Variants in ZBTB12 observed in about 807,000 individuals in gnomAD.
The protein encoded by ZBTB12 is zinc finger and BTB domain-containing protein 12.
In ZBTB12, 1 loss-of-function variant was observed where a neutral mutation model predicts 6.4. The ratio of observed to expected loss-of-function variants is 0.16; its 90% CI spans 0.06 to 0.74. The LOEUF is 0.74. Among genes scored for constraint, ZBTB12 ranks in the 30% least tolerant of loss-of-function variants. The pLI, the probability that ZBTB12 is intolerant of heterozygous loss-of-function variation, is 0.78. For synonymous variants in ZBTB12, 273 were observed against 262.5 expected (o/e 1.04, Z -0.39); for missense variants, 344 against 613.9 (o/e 0.56, Z 4.65).
chr6:31,900,632 G>T lies in ZBTB12; in HGVS notation c.674C>A (p.Pro225His). The T allele has an allele frequency of 6.2e-7, 1 of 1,612,802 alleles. No individual in the cohort carries two copies. Among genetic ancestry groups the T allele is most frequent in the Non-Finnish European group, 8.5e-7 (1 of 1,180,028 alleles). Residue 225 changes from proline (P) to histidine (H), a missense_variant, in exon 2 of 2, where the codon CCC becomes CAC. Coordinates refer to ENST00000375527, the MANE Select transcript of ZBTB12 (RefSeq NM_181842.3). The surrounding 1 kb of genome is among the most constrained non-coding windows in gnomAD (Gnocchi z 9.7). ...CAGACCCCCTCCCAGGCCTCCAGGG[G>T]GTTTGAGCCGGTGTGCCACCTCCAG... ...SALEVAHRLK[P>H]PGGLGGGLGI... is the part of the protein sequence containing the mutation.
chr6:31,900,393 G>A lies in ZBTB12; in HGVS notation c.913C>T (p.Arg305Trp). 13 of 1,294,054 alleles carry A rather than the reference G, an allele frequency of 1.0e-5. No homozygotes were observed. The highest frequency in any genetic ancestry group is 2.2e-5 in the Admixed American group (1 of 44,728). 80.2% of individuals were successfully genotyped at this position (1,294,054 alleles called of 1,614,324 possible). The change falls in exon 2 of 2, where the codon CGG (arginine) becomes TGG (tryptophan). Residue 305 changes from arginine (R) to tryptophan (W), a missense_variant. Arg to Trp is a moderately radical substitution (Grantham distance 101). Coordinates refer to ENST00000375527, the MANE Select transcript of ZBTB12 (RefSeq NM_181842.3). The surrounding 1 kb of genome is among the most constrained non-coding windows in gnomAD (Gnocchi z 9.7). The part of the protein sequence containing the change: ...VEAAAVAMAA[R>W]GAGGSLGAGG... ...GCCCCCAGGCTGCCCCCCGCCCCCCGGGCAGCCATGGCCACCGCTGCTGCT... is the reference window on the plus strand; with the variant it reads ...GCCCCCAGGCTGCCCCCCGCCCCCCAGGCAGCCATGGCCACCGCTGCTGCT...
rs1362657365 is a variant in ZBTB12, at chr6:31,900,922, C to T, written c.384G>A (p.Glu128=). 1.9e-6 allele frequency: 3 copies of T among 1,614,202 alleles called. No homozygotes were observed. Among genetic ancestry groups the T allele is most frequent in the Non-Finnish European group, 2.5e-6 (3 of 1,180,048 alleles). Residue 128 remains glutamate (E), a synonymous_variant, in exon 2 of 2, where the codon GAG becomes GAA. Transcript: ENST00000375527. This position sits in a 1 kb window ranked among gnomAD's most constrained non-coding sequence, Gnocchi z 9.7. The part of the protein sequence containing the change: ...KCRNALSQFI[E]PKIGLKEDGV... ...CATCCTCTTTGAGGCCTATTTTGGG[C>T]TCAATGAACTGGCTGAGGGCATTCC...
Position 31,900,103 on chromosome 6 carries a change from G to A in ZBTB12, c.1203C>T (p.Thr401=), listed in dbSNP as rs770658305. ...AGTGCAGGTTGAGGTGGTCGTGAAGGGTGGACTTCTGTGTGAAGCACTTGC... is the reference window on the plus strand; with the variant it reads ...AGTGCAGGTTGAGGTGGTCGTGAAGAGTGGACTTCTGTGTGAAGCACTTGC... ...ICGKCFTQKS[T]LHDHLNLHSG... Residue 401 remains threonine, a synonymous_variant, in exon 2 of 2, where the codon ACC becomes ACT. Coordinates refer to ENST00000375527, the MANE Select transcript of ZBTB12 (RefSeq NM_181842.3). This position sits in a 1 kb window ranked among gnomAD's most constrained non-coding sequence, Gnocchi z 9.7. 1.2e-6 allele frequency: 2 copies of A among 1,612,628 alleles called. No homozygotes were observed. Among genetic ancestry groups the A allele is most frequent in the Non-Finnish European group, 1.7e-6 (2 of 1,179,224 alleles).
rs1422334803 is a variant in ZBTB12 at position 31,899,893 on chromosome 6, G to A, written c.*33C>T. ...GAGCCCTTTTTCCACGCAGCCCAGG[G>A]GCCCCAGCCTCCTGGCCTCCACGCC... On this transcript the variant is annotated 3_prime_UTR_variant, in exon 2 of 2. Transcript: ENST00000375527. The A allele has an allele frequency of 1.3e-6, 2 of 1,534,556 alleles. No homozygotes were observed. Among genetic ancestry groups the A allele is most frequent in the Non-Finnish European group, 1.8e-6 (2 of 1,142,548 alleles).
chr6:31,900,530 G>A lies in ZBTB12; in HGVS notation c.776C>T (p.Pro259Leu). ...ATAGCAGGCCTTCACCACACCCTGC[G>A]GTGGGGCTACAGTGCTGGGGGGAAC... is the stretch of plus-strand genomic sequence containing the variant. ...SSVPPSTVAPPQGVVKACYSL... is the reference protein window; with the variant it reads ...SSVPPSTVAPLQGVVKACYSL... Residue 259 changes from proline to leucine, a missense_variant, in exon 2 of 2, where the codon CCG becomes CTG. Pro to Leu is a moderately conservative substitution (Grantham distance 98). Coordinates refer to ENST00000375527, the MANE Select transcript of ZBTB12 (RefSeq NM_181842.3). The surrounding 1 kb of genome is among the most constrained non-coding windows in gnomAD (Gnocchi z 9.7). 1.2e-6 allele frequency: 2 copies of A among 1,611,928 alleles called. No homozygotes were observed. Among genetic ancestry groups the A allele is most frequent in the South Asian group, 1.1e-5 (1 of 91,016 alleles).
rs1767156116 is a variant in ZBTB12 at position 31,900,658 on chromosome 6, G to A, written c.648C>T (p.Ala216=). 2 of 1,612,760 alleles carry A rather than the reference G, an allele frequency of 1.2e-6. No individual in the cohort carries two copies. Among genetic ancestry groups the A allele is most frequent in the Non-Finnish European group, 1.7e-6 (2 of 1,179,966 alleles). ...GTTTGAGCCGGTGTGCCACCTCCAGGGCCGACTCCACCTTGACGATGCAGA... is the reference window on the plus strand; with the variant it reads ...GTTTGAGCCGGTGTGCCACCTCCAGAGCCGACTCCACCTTGACGATGCAGA... ...SDICIVKVES[A]LEVAHRLKPP... Residue 216 remains alanine, a synonymous_variant, in exon 2 of 2, where the codon GCC becomes GCT. Transcript: ENST00000375527. The surrounding 1 kb of genome is among the most constrained non-coding windows in gnomAD (Gnocchi z 9.7).
chr6:31,899,666 C>G lies in ZBTB12; in HGVS notation c.*260G>C. 2.0e-6 allele frequency: 1 copy of G among 511,882 alleles called. No homozygotes were observed. The highest frequency in any genetic ancestry group is 3.4e-6 in the Non-Finnish European group (1 of 290,054). 31.7% of individuals were successfully genotyped at this position (511,882 alleles called of 1,614,324 possible). On this transcript the variant is annotated 3_prime_UTR_variant, in exon 2 of 2. Transcript: ENST00000375527. ...CCTCCCTCCACATATACATGCACTT[C>G]TAAGAGAAGGAAATCTTTCTCTGGG...
Position 31,900,786 on chromosome 6 carries a change from G to T in ZBTB12, c.520C>A (p.Pro174Thr), listed in dbSNP as rs765085960. The change falls in exon 2 of 2, where the codon CCT (proline) becomes ACT (threonine). Residue 174 changes from proline to threonine, a missense_variant. This residue lies in a region of ZBTB12 where 241 missense variants were observed against 315.4 expected (regional missense o/e 0.76). Coordinates refer to ENST00000375527, the MANE Select transcript of ZBTB12 (RefSeq NM_181842.3). The surrounding 1 kb of genome is among the most constrained non-coding windows in gnomAD (Gnocchi z 9.7). Reference protein sequence around the residue: ...PKPPPPPPLPPPLLRPVKLEF... With the variant: ...PKPPPPPPLPTPLLRPVKLEF... ...AGCTTCACTGGCCGCAGGAGTGGAG[G>T]GGGTAGAGGAGGTGGGGGTGGGGGC... is the stretch of plus-strand genomic sequence containing the variant. 1.3e-6 allele frequency: 2 copies of T among 1,592,832 alleles called. No homozygotes were observed. Among genetic ancestry groups the T allele is most frequent in the South Asian group, 1.1e-5 (1 of 88,012 alleles).
Position 31,900,252 on chromosome 6 carries a change from T to C in ZBTB12, c.1054A>G (p.Met352Val). The change falls in exon 2 of 2, where the codon ATG becomes GTG. Residue 352 changes from methionine to valine, a missense_variant. Met to Val is a conservative substitution (Grantham distance 21). This residue lies in a region of ZBTB12 where 241 missense variants were observed against 315.4 expected (regional missense o/e 0.76). Transcript: ENST00000375527. The surrounding 1 kb of genome is among the most constrained non-coding windows in gnomAD (Gnocchi z 9.7). Reference sequence around the variant, plus strand: ...ATGAAGATGAAGTGCTGCGCCCGCATGTGGAAGACCAGCTTCTCCACGCCC... The same window carrying C: ...ATGAAGATGAAGTGCTGCGCCCGCACGTGGAAGACCAGCTTCTCCACGCCC... Reference protein sequence around the residue: ...FQGVEKLVFHMRAQHFIFMCP... With the variant: ...FQGVEKLVFHVRAQHFIFMCP... The C allele has an allele frequency of 6.2e-7, 1 of 1,613,898 alleles. No individual in the cohort carries two copies. Among genetic ancestry groups the C allele is most frequent in the Non-Finnish European group, 8.5e-7 (1 of 1,180,036 alleles).
chr6:31,900,641 C>T lies in ZBTB12; in HGVS notation c.665G>A (p.Arg222Gln). 1 of 1,612,752 alleles carries T rather than the reference C, an allele frequency of 6.2e-7. No homozygotes were observed. Among genetic ancestry groups the T allele is most frequent in the Non-Finnish European group, 8.5e-7 (1 of 1,179,998 alleles). ...TCCCAGGCCTCCAGGGGGTTTGAGC[C>T]GGTGTGCCACCTCCAGGGCCGACTC... ...KVESALEVAH[R>Q]LKPPGGLGGG... Residue 222 changes from arginine (R) to glutamine (Q), a missense_variant, in exon 2 of 2, where the codon CGG becomes CAG. This residue lies in a region of ZBTB12 where 241 missense variants were observed against 315.4 expected (regional missense o/e 0.76). Transcript: ENST00000375527. The surrounding 1 kb of genome is among the most constrained non-coding windows in gnomAD (Gnocchi z 9.7).
rs748840289 is a variant in ZBTB12 at position 31,900,322 on chromosome 6, G to T, written c.984C>A (p.Asn328Lys). 6.2e-7 allele frequency: 1 copy of T among 1,611,282 alleles called. No individual in the cohort carries two copies. The highest frequency in any genetic ancestry group is 1.7e-5 in the Admixed American group (1 of 60,022). Reference protein sequence around the residue: ...GPLPGGFSGGNPLKNIKCTKC... With the variant: ...GPLPGGFSGGKPLKNIKCTKC... Reference sequence around the variant, plus strand: ...TGGTGCACTTGATGTTCTTTAAGGGGTTTCCACCTGAGAAGCCCCCAGGCA... The same window carrying T: ...TGGTGCACTTGATGTTCTTTAAGGGTTTTCCACCTGAGAAGCCCCCAGGCA... The change falls in exon 2 of 2, where the codon AAC becomes AAA. Residue 328 changes from asparagine (N) to lysine (K), a missense_variant. Asn to Lys is a moderately conservative substitution (Grantham distance 94). Transcript: ENST00000375527. This position sits in a 1 kb window ranked among gnomAD's most constrained non-coding sequence, Gnocchi z 9.7.
At position 31,902,023 on chromosome 6, in the gene ZBTB12, C is replaced by G. The variant is rs1449096988; in HGVS notation, c.-207G>C. On this transcript the variant is annotated 5_prime_UTR_variant, in exon 1 of 2. Coordinates refer to ENST00000375527, the MANE Select transcript of ZBTB12 (RefSeq NM_181842.3). ...GGGGAGGGGCGGGGGCGGCTCGTGC[C>G]GTGTGTTCCAGGCCCCGCGCGCGCG... 6.7e-6 allele frequency: 1 copy of G among 149,156 alleles called. No homozygotes were observed. The highest frequency in any genetic ancestry group is 6.6e-5 in the Admixed American group (1 of 15,060). The allele number at this position is 149,156 out of a possible 1,614,324, so 9.2% of individuals were successfully genotyped here. A position where few individuals can be genotyped will look rare whatever the true frequency, so the allele number is the denominator to read the frequency against.
rs1767254552 is a variant in ZBTB12 at position 31,901,395 on chromosome 6, GCCC to G, written c.-20-73_-20-71del. 3 of 1,382,264 alleles carry G rather than the reference GCCC, an allele frequency of 2.2e-6. No individual in the cohort carries two copies. The African/African-American group carries it at 4.4e-5, about 20-fold the overall frequency. 85.6% of individuals were successfully genotyped at this position (1,382,264 alleles called of 1,614,324 possible). ...CCGAAGCCAAGGCTCCAGGACCCTC[GCCC>G]CCATTCTTGCCCAGCCCCCCGGCAT... On this transcript the variant is annotated intron_variant, in intron 1 of 1. Coordinates refer to ENST00000375527, the MANE Select transcript of ZBTB12 (RefSeq NM_181842.3).
Position 31,900,313 on chromosome 6 carries a change from C to G in ZBTB12, c.993G>C (p.Lys331Asn), listed in dbSNP as rs1402708910. Residue 331 changes from lysine to asparagine, a missense_variant, in exon 2 of 2, where the codon AAG becomes AAC. Around this residue, in one of 5 missense-constraint regions of ZBTB12, gnomAD observed 241 missense variants for 315.4 expected, o/e 0.76. Transcript: ENST00000375527. The surrounding 1 kb of genome is among the most constrained non-coding windows in gnomAD (Gnocchi z 9.7). ...PGGFSGGNPL[K>N]NIKCTKCPEV... ...CCGGGCACTTGGTGCACTTGATGTT[C>G]TTTAAGGGGTTTCCACCTGAGAAGC... The G allele has an allele frequency of 2.5e-6, 4 of 1,612,008 alleles. No homozygotes were observed. Among genetic ancestry groups the G allele is most frequent in the Non-Finnish European group, 3.4e-6 (4 of 1,179,860 alleles).
intron 1 of ZBTB12, 59 bp from the exon 2 acceptor site, chr6:31,901,384 C>T (rs1448217404): frequency 2.1e-6 from 3 of 1,439,942 alleles, no homozygotes; most frequent in Non-Finnish European, 2.8e-6. Flanking sequence ...AGCCAAGGCT[C>T]CAGGACCCTC....
In ZBTB12 at chr6:31,900,641, C is replaced by A; in HGVS notation, c.665G>T (p.Arg222Leu). 6.2e-7 allele frequency: 1 copy of A among 1,612,752 alleles called. No individual in the cohort carries two copies. Among genetic ancestry groups the A allele is most frequent in the Non-Finnish European group, 8.5e-7 (1 of 1,179,998 alleles). The change falls in exon 2 of 2, where the codon CGG (arginine) becomes CTG (leucine). Residue 222 changes from arginine (R) to leucine (L), a missense_variant. Coordinates refer to ENST00000375527, the MANE Select transcript of ZBTB12 (RefSeq NM_181842.3). This position sits in a 1 kb window ranked among gnomAD's most constrained non-coding sequence, Gnocchi z 9.7. The part of the protein sequence containing the change: ...KVESALEVAH[R>L]LKPPGGLGGG... Reference sequence around the variant, plus strand: ...TCCCAGGCCTCCAGGGGGTTTGAGCCGGTGTGCCACCTCCAGGGCCGACTC... The same window carrying A: ...TCCCAGGCCTCCAGGGGGTTTGAGCAGGTGTGCCACCTCCAGGGCCGACTC...
At position 31,900,431 on chromosome 6, in the gene ZBTB12, G is replaced by C. The variant is rs1345811843; in HGVS notation, c.875C>G (p.Ser292Trp). The change falls in exon 2 of 2, where the codon TCG (serine) becomes TGG (tryptophan). Residue 292 changes from serine (S) to tryptophan (W), a missense_variant. Around this residue, in one of 5 missense-constraint regions of ZBTB12, gnomAD observed 241 missense variants for 315.4 expected, o/e 0.76. Coordinates refer to ENST00000375527, the MANE Select transcript of ZBTB12 (RefSeq NM_181842.3). This position sits in a 1 kb window ranked among gnomAD's most constrained non-coding sequence, Gnocchi z 9.7. Reference protein sequence around the residue: ...PGGRASVGATSGLVEAAAVAM... With the variant: ...PGGRASVGATWGLVEAAAVAM... ...CACCGCTGCTGCTTCCACCAGGCCC[G>C]AGGTGGCCCCCACGCTGGCCCGGCC... 1 of 1,549,510 alleles carries C rather than the reference G, an allele frequency of 6.5e-7. No homozygotes were observed. The highest frequency in any genetic ancestry group is 1.4e-5 in the African/African-American group (1 of 72,530).
intron 1 of ZBTB12, 48 bp from the exon 2 acceptor site, chr6:31,901,373 A>T (rs966843636): frequency 6.7e-6 from 10 of 1,499,288 alleles, no homozygotes; most frequent in Non-Finnish European, 8.9e-6. Flanking sequence ...TGGCTCTCCG[A>T]AGCCAAGGCT....
Position 31,900,259 on chromosome 6 carries a change from G to A in ZBTB12, c.1047C>T (p.Val349=), listed in dbSNP as rs1767097368. 6.2e-7 allele frequency: 1 copy of A among 1,613,778 alleles called. No individual in the cohort carries two copies. The highest frequency in any genetic ancestry group is 8.5e-7 in the Non-Finnish European group (1 of 1,180,020). ...PEVFQGVEKL[V]FHMRAQHFIF... The stretch of plus-strand genomic sequence containing the variant: ...TGAAGTGCTGCGCCCGCATGTGGAA[G>A]ACCAGCTTCTCCACGCCCTGGAACA... The change falls in exon 2 of 2, where the codon GTC becomes GTT. Residue 349 remains valine (V), a synonymous_variant. Coordinates refer to ENST00000375527, the MANE Select transcript of ZBTB12 (RefSeq NM_181842.3). This position sits in a 1 kb window ranked among gnomAD's most constrained non-coding sequence, Gnocchi z 9.7.
Sources: gnomAD v4.1 joint callset for allele counts on GRCh38, gnomAD v4.1.1 for gene constraint, gnomAD v4.1.1 regional missense constraint, Gnocchi (gnomAD v3.1) non-coding constraint, MANE v1.5 for transcripts, NCBI Gene and HGNC (gene_info 2026-07-23, HGNC 2026-07-21) for gene names.